PDE1C: variants seen among roughly 807,000 people sequenced by gnomAD.
PDE1C encodes dual specificity calcium/calmodulin-dependent 3',5'-cyclic nucleotide phosphodiesterase 1C.
In PDE1C, 62 loss-of-function variants were observed where a neutral mutation model predicts 93.1. That is an observed-to-expected ratio of 0.67 (90% CI 0.54 to 0.82). The LOEUF (loss-of-function observed/expected upper bound fraction) is 0.82. Ranked by LOEUF, PDE1C falls within the 40% of genes least tolerant of loss-of-function variation. PDE1C has a pLI of 0.00. For synonymous variants in PDE1C, 325 were observed against 310.1 expected (o/e 1.05, Z -0.50); for missense variants, 742 against 884.6 (o/e 0.84, Z 2.04).
At chr7:31,630,256 A>AAC in the PDE1C span, among the ~76,000 whole-genome samples, 1 of 151,580 alleles carries the variant, frequency 6.6e-6, no homozygotes, top group Non-Finnish European at 1.5e-5. Flanking sequence ...AAAAAAAAAA[A>AAC]AAAAAACATT....
intron 1 of PDE1C, among the ~76,000 whole-genome samples, chr7:32,221,340 T>C (rs1806846255): frequency 6.6e-6 from 1 of 152,210 alleles, no homozygotes; most frequent in South Asian, 2.1e-4. Context: ...CTTTCTTGTT[T>C]GATTCTTGGG....
chr7:31,926,604 G>A (rs1021253759), intron 2 of PDE1C, among the ~76,000 whole-genome samples: 19 of 152,252 alleles, frequency 1.2e-4, no homozygotes, highest in Middle Eastern at 3.4e-3. Context: ...TATCTCACCG[G>A]GACTGGTTAG....
intron 2 of PDE1C, among the ~76,000 whole-genome samples, chr7:31,964,514 G>A (rs565132066): frequency 6.6e-6 from 1 of 152,236 alleles, no homozygotes; most frequent in Non-Finnish European, 1.5e-5. Context: ...TGCCTCTGTA[G>A]GCTCCACCTT....
chr7:32,249,849 T>A (rs572622043), intron 1 of PDE1C, among the ~76,000 whole-genome samples: 2 of 152,322 alleles, frequency 1.3e-5, no homozygotes, highest in South Asian at 4.1e-4. Flanking sequence ...AAAAATCACA[T>A]GTGCTCAAGG....
chr7:31,884,620 T>G (rs1797658583), intron 2 of PDE1C, among the ~76,000 whole-genome samples: 1 of 152,196 alleles, frequency 6.6e-6, no homozygotes, highest in African/African-American at 2.4e-5. Context: ...CAAATTCTGT[T>G]GAGCTTTAGC....
intron 2 of PDE1C, among the ~76,000 whole-genome samples, chr7:31,967,807 C>G (rs187223071): frequency 6.6e-6 from 1 of 152,112 alleles, no homozygotes; most frequent in Admixed American, 6.5e-5. Context: ...GTTCAACATA[C>G]GCAAATCAAT....
At chr7:31,753,607 C>G in intron 17 of PDE1C, 54 bp from the exon 18 acceptor site, 1 of 1,561,714 alleles carries the variant, frequency 6.4e-7, no homozygotes, top group Admixed American at 1.9e-5. Context: ...CACGACATGC[C>G]ACAACCTAAA....
intron 2 of PDE1C, among the ~76,000 whole-genome samples, chr7:32,182,107 T>C (rs1457032374): frequency 2.0e-5 from 3 of 152,108 alleles, no homozygotes; most frequent in Admixed American, 6.5e-5. Flanking sequence ...CAGGAAGAAG[T>C]TGAATCTCTG....
intron 16 of PDE1C, 67 bp from the exon 17 acceptor site, chr7:31,775,799 T>C: frequency 7.6e-7 from 1 of 1,324,190 alleles, no homozygotes; most frequent in East Asian, 2.3e-5. Flanking sequence ...CAAGTAAATG[T>C]TCATCTGAAA....
intron 2 of PDE1C, among the ~76,000 whole-genome samples, chr7:31,951,108 C>A (rs990292763): frequency 1.3e-5 from 2 of 152,290 alleles, no homozygotes; most frequent in South Asian, 4.1e-4. Context: ...GTCTCTTCCT[C>A]TTCTTAAAAA....
intron 2 of PDE1C, among the ~76,000 whole-genome samples, chr7:31,926,828 C>A (rs527749452): frequency 6.6e-6 from 1 of 152,278 alleles, no homozygotes; most frequent in East Asian, 1.9e-4. Context: ...TGTGCCTACA[C>A]CACCAGGACC....
chr7:32,301,654 T>C (rs1042146518), upstream of PDE1C, among the ~76,000 whole-genome samples: 2 of 152,230 alleles, frequency 1.3e-5, no homozygotes, highest in Admixed American at 1.3e-4. Context: ...CAAGTGAAGT[T>C]GAATGCTAAC....
chr7:31,744,169 T>C, the PDE1C span, among the ~76,000 whole-genome samples: 11 of 152,304 alleles, frequency 7.2e-5, no homozygotes, highest in East Asian at 1.7e-3. Context: ...GAGTTCTGTC[T>C]TTATTATATT....
the PDE1C span, among the ~76,000 whole-genome samples, chr7:31,723,597 C>T: frequency 1.3e-5 from 2 of 152,114 alleles, no homozygotes; most frequent in East Asian, 1.9e-4. Flanking sequence ...GGAGAGGAGG[C>T]GGAGTCAGGG....
At chr7:32,251,130 C>A (rs1384307894) in intron 1 of PDE1C, among the ~76,000 whole-genome samples, 2 of 152,258 alleles carry the variant, frequency 1.3e-5, no homozygotes, top group African/African-American at 2.4e-5. Flanking sequence ...ACTGTGGCAA[C>A]AGATTCCCTG....
intron 2 of PDE1C, among the ~76,000 whole-genome samples, chr7:32,004,406 C>T (rs1055495667): frequency 5.9e-5 from 9 of 152,168 alleles, no homozygotes; most frequent in African/African-American, 2.2e-4. Context: ...TGGACTCTTA[C>T]TGCATACAGG....
chr7:31,850,733 C>A lies in PDE1C; in HGVS notation c.759G>T (p.Leu253=). The A allele has an allele frequency of 6.2e-7, 1 of 1,611,322 alleles. No homozygotes were observed. The highest frequency in any genetic ancestry group is 8.5e-7 in the Non-Finnish European group (1 of 1,177,646). The change falls in exon 8 of 18, where the codon CTG becomes CTT. Residue 253 remains leucine, a synonymous_variant. Coordinates refer to ENST00000396191, the MANE Select transcript of PDE1C (RefSeq NM_001191057.4). ...LLYKTGVANW[L]TELEIFAIIF... is the part of the protein sequence containing the mutation. ...TTATAGCAAAGATCTCCAGCTCCGT[C>A]AGCCAGTTCTGAAAGGAGATTACAG...
chr7:31,776,682 T>C (rs1782995122), intron 16 of PDE1C, among the ~76,000 whole-genome samples: 1 of 151,996 alleles, frequency 6.6e-6, no homozygotes, highest in Non-Finnish European at 1.5e-5. Context: ...TAAACATAAA[T>C]ATTTATTTAT....
At chr7:32,400,423 G>GA (rs1390054077) in intron 1 of PDE1C, among the ~76,000 whole-genome samples, 1 of 150,934 alleles carries the variant, frequency 6.6e-6, no homozygotes, top group Non-Finnish European at 1.5e-5. Context: ...GCAAAAAAAA[G>GA]AAAAAAGAAA....
Sources: gnomAD v4.1 joint callset for allele counts (sites outside exome capture counted in the v4.1 genomes callset) on GRCh38, gnomAD v4.1.1 for gene constraint, MANE v1.5 for transcripts, NCBI Gene and HGNC (gene_info 2026-07-23, HGNC 2026-07-21) for gene names.